The following TM9SF4 variants were observed in gnomAD, a reference collection of about 807,000 sequenced individuals.
The protein encoded by TM9SF4 is dinucleotide oxidase disulfide thiol exchanger 3 superfamily member 4.
In TM9SF4, 26 loss-of-function variants were observed where a neutral mutation model predicts 90.4. The ratio of observed to expected loss-of-function variants is 0.29; its 90% CI spans 0.21 to 0.40. The LOEUF (loss-of-function observed/expected upper bound fraction) is 0.40, where lower values mean the gene tolerates loss of function less well. Ranked by LOEUF, TM9SF4 falls within the 10% of genes least tolerant of loss-of-function variation. TM9SF4 has a pLI of 1.00. For synonymous variants in TM9SF4, 293 were observed against 315.4 expected (o/e 0.93, Z 0.75); for missense variants, 549 against 834.8 (o/e 0.66, Z 4.22).
intron 12 of TM9SF4, among the ~76,000 whole-genome samples, chr20:32,151,984 C>T (rs1439696348): frequency 6.6e-6 from 1 of 151,986 alleles, no homozygotes; most frequent in Non-Finnish European, 1.5e-5. Context: ...GCCTCCACCT[C>T]CCGAGTAGCT....
intron 1 of TM9SF4, among the ~76,000 whole-genome samples, chr20:32,126,810 A>G (rs1280780583): frequency 1.3e-5 from 2 of 150,116 alleles, no homozygotes; most frequent in East Asian, 3.9e-4. Flanking sequence ...ATCTTGGCTC[A>G]CTGCAACCTG....
intron 1 of TM9SF4, among the ~76,000 whole-genome samples, chr20:32,119,572 C>G (rs570655646): frequency 1.3e-3 from 195 of 151,956 alleles, no homozygotes; most frequent in Non-Finnish European, 2.3e-3. Flanking sequence ...GATATAAGTT[C>G]CTTATCAGGT....
chr20:32,161,239 C>T (rs749554016), intron 16 of TM9SF4, 37 bp from the exon 17 acceptor site: 14 of 1,593,360 alleles, frequency 8.8e-6, no homozygotes, highest in Non-Finnish European at 1.0e-5. Context: ...GGGTTCTGCC[C>T]CAGGACAACA....
At chr20:32,161,122 C>A (rs973104431) in intron 16 of TM9SF4, 154 bp from the exon 17 acceptor site, 2 of 641,292 alleles carry the variant, frequency 3.1e-6, no homozygotes, top group Non-Finnish European at 5.5e-6. Context: ...GCATACAGTT[C>A]TGGAACCACC....
intron 8 of TM9SF4, among the ~76,000 whole-genome samples, chr20:32,146,443 C>G (rs1049579272): frequency 6.6e-6 from 1 of 152,122 alleles, no homozygotes; most frequent in Non-Finnish European, 1.5e-5. Flanking sequence ...ACTGAAGCAG[C>G]AGATAGCCAG....
At chr20:32,117,428 T>C (rs935853044) in intron 1 of TM9SF4, among the ~76,000 whole-genome samples, 2 of 152,140 alleles carry the variant, frequency 1.3e-5, no homozygotes, top group Non-Finnish European at 2.9e-5. Context: ...CCAGAAAAAG[T>C]TAACTTCTGG....
intron 1 of TM9SF4, among the ~76,000 whole-genome samples, chr20:32,123,972 C>A (rs1057491030): frequency 6.6e-6 from 1 of 151,402 alleles, no homozygotes; most frequent in East Asian, 1.9e-4. Flanking sequence ...AAGTGATCCT[C>A]CTGCCTCAGC....
chr20:32,146,654 T>G, intron 8 of TM9SF4, 131 bp from the exon 9 acceptor site: 1 of 771,108 alleles, frequency 1.3e-6, no homozygotes, highest in East Asian at 2.9e-5. Flanking sequence ...GGTGGCTGCA[T>G]AGCCAGTTCA....
intron 2 of TM9SF4, 78 bp downstream of exon 2, chr20:32,133,204 A>G (rs1241803363): frequency 2.2e-6 from 3 of 1,333,504 alleles, no homozygotes; most frequent in Non-Finnish European, 1.0e-6. Context: ...GTTCGTGTCC[A>G]TCCTGTGGTT....
chr20:32,155,524 C>T (rs2046906503), intron 13 of TM9SF4, among the ~76,000 whole-genome samples: 1 of 152,232 alleles, frequency 6.6e-6, no homozygotes, highest in Non-Finnish European at 1.5e-5. Flanking sequence ...AGGTCATTAT[C>T]CCAAAGCAAG....
intron 2 of TM9SF4, among the ~76,000 whole-genome samples, chr20:32,133,973 A>ATT (rs11459669): frequency 3.6e-4 from 50 of 138,900 alleles, no homozygotes; most frequent in African/African-American, 9.1e-4. Context: ...TGCCTGGCTA[A>ATT]TTTTTTTTTT....
intron 1 of TM9SF4, 51 bp from the exon 2 acceptor site, chr20:32,132,962 A>G: frequency 6.5e-7 from 1 of 1,530,646 alleles, no homozygotes; most frequent in Non-Finnish European, 9.0e-7. Context: ...GCCTCAGAGG[A>G]TCTTCTTCAC....
intron 1 of TM9SF4, among the ~76,000 whole-genome samples, chr20:32,125,496 C>G (rs1021316721): frequency 6.6e-6 from 1 of 152,128 alleles, no homozygotes; most frequent in African/African-American, 2.4e-5. Context: ...GCAGCATCTT[C>G]TGGGAACTTG....
Position 32,165,330 on chromosome 20 carries a change from C to G in TM9SF4, c.1815C>G (p.Tyr605Ter). ...TGGAGTTCATCCCCTCTCTCCTCTA[C>G]TTTGGCTACACGGCCCTCATGGTCT... is the stretch of plus-strand genomic sequence containing the variant. ...DIVEFIPSLL[Y>*]FGYTALMVLS... The change falls in exon 18 of 18, where the codon TAC (tyrosine) becomes TAG (stop). Residue 605 changes from tyrosine to a stop codon, truncating the protein, a stop_gained. Coordinates refer to ENST00000398022, the MANE Select transcript of TM9SF4 (RefSeq NM_014742.4). LOFTEE classifies it high-confidence loss of function. 6.2e-7 allele frequency: 1 copy of G among 1,614,238 alleles called. No individual in the cohort carries two copies. The highest frequency in any genetic ancestry group is 8.5e-7 in the Non-Finnish European group (1 of 1,180,050).
At chr20:32,162,281 G>A (rs771401137) in intron 17 of TM9SF4, among the ~76,000 whole-genome samples, 11 of 152,160 alleles carry the variant, frequency 7.2e-5, no homozygotes, top group Admixed American at 4.6e-4. Context: ...TGGGAATGCC[G>A]TTTCCCAAAA....
At chr20:32,129,533 A>C (rs990720459) in intron 1 of TM9SF4, among the ~76,000 whole-genome samples, 1 of 152,170 alleles carries the variant, frequency 6.6e-6, no homozygotes, top group Admixed American at 6.5e-5. Context: ...TGACCATTTA[A>C]ATGGACATAT....
chr20:32,112,250 A>G (rs941529990), intron 1 of TM9SF4, among the ~76,000 whole-genome samples: 2 of 152,200 alleles, frequency 1.3e-5, no homozygotes, highest in African/African-American at 4.8e-5. Context: ...TACAAAAAAA[A>G]TACAAAAAGA....
At chr20:32,136,243 A>G (rs1167789497) in intron 3 of TM9SF4, 70 bp downstream of exon 3, 26 of 1,418,786 alleles carry the variant, frequency 1.8e-5, no homozygotes, top group East Asian at 4.6e-5. Context: ...TATAATGATA[A>G]CAACAGTTAA....
In TM9SF4 at chr20:32,150,711, T is replaced by G; in HGVS notation, c.1169+8T>G. 1 of 1,614,226 alleles carries G rather than the reference T, an allele frequency of 6.2e-7. No homozygotes were observed. The highest frequency in any genetic ancestry group is 1.3e-5 in the African/African-American group (1 of 75,060). On this transcript the variant is annotated splice_region_variant and intron_variant, in intron 11 of 17. Coordinates refer to ENST00000398022, the MANE Select transcript of TM9SF4 (RefSeq NM_014742.4). ...CCTCTTCATGTTCATGGGGTAGGTG[T>G]GTCTGAGTGGGCTCCCGGGGGCGGC...
Sources: allele counts gnomAD v4.1 joint callset (sites outside exome capture counted in the v4.1 genomes callset), GRCh38; gene constraint gnomAD v4.1.1; transcripts MANE v1.5; gene names NCBI Gene and HGNC (gene_info 2026-07-23, HGNC 2026-07-21).